The following CPAP variants were observed in gnomAD, a reference collection of about 807,000 sequenced individuals.
CPAP encodes the protein centrosome assembly and centriole elongation protein, also known as centrosomal P4.1-associated protein.
chr13:24,889,171 C>T, the CPAP span: 1 of 687,748 alleles, frequency 1.5e-6, no homozygotes. Flanking sequence ...TAAGATGATG[C>T]ACAGGAGCTT....
At chr13:24,926,096 G>A in the CPAP span, among the ~76,000 whole-genome samples, 1 of 152,282 alleles carries the variant, frequency 6.6e-6, no homozygotes, top group East Asian at 1.9e-4. Flanking sequence ...TCCAGCCAGG[G>A]TCTGTGGGAC....
At chr13:24,913,933 C>T in the CPAP span, among the ~76,000 whole-genome samples, 1 of 152,208 alleles carries the variant, frequency 6.6e-6, no homozygotes, top group Non-Finnish European at 1.5e-5. Flanking sequence ...TTGCCTCTGT[C>T]TGTGTCTGAT....
the CPAP span, chr13:24,883,955 T>TGCCATA: frequency 6.2e-7 from 1 of 1,614,128 alleles, no homozygotes; most frequent in African/African-American, 1.3e-5. Flanking sequence ...AACATAATGT[T>TGCCATA]GCCATACCGT....
At chr13:24,918,435 C>A in the CPAP span, among the ~76,000 whole-genome samples, 9 of 152,292 alleles carry the variant, frequency 5.9e-5, no homozygotes, top group East Asian at 1.5e-3. Flanking sequence ...GGGACCAACT[C>A]CCCATGCAAC....
chr13:24,911,474 T>G, the CPAP span, among the ~76,000 whole-genome samples: 2 of 152,212 alleles, frequency 1.3e-5, no homozygotes, highest in Non-Finnish European at 2.9e-5. Flanking sequence ...CCAACAGTTT[T>G]CATTCATCAG....
the CPAP span, among the ~76,000 whole-genome samples, chr13:24,890,969 T>C: frequency 6.7e-6 from 1 of 149,836 alleles, no homozygotes; most frequent in South Asian, 2.1e-4. Flanking sequence ...TTTACCGTCT[T>C]AAAAAAAAAA....
the CPAP span, among the ~76,000 whole-genome samples, chr13:24,894,072 C>T: frequency 3.3e-5 from 5 of 151,990 alleles, no homozygotes; most frequent in African/African-American, 9.7e-5. Flanking sequence ...CAGGAGGGTG[C>T]CTGGCACAGT....
chr13:24,890,607 T>G, the CPAP span, among the ~76,000 whole-genome samples: 2 of 152,318 alleles, frequency 1.3e-5, no homozygotes, highest in African/African-American at 4.8e-5. Context: ...GAAAAAAATA[T>G]GTGCAATTCT....
chr13:24,910,556 T>C, the CPAP span, among the ~76,000 whole-genome samples: 1 of 152,196 alleles, frequency 6.6e-6, no homozygotes, highest in Non-Finnish European at 1.5e-5. Flanking sequence ...AAGTTATTGG[T>C]AAATACAGCC....
the CPAP span, chr13:24,906,730 A>AGGGGAT: frequency 5.0e-6 from 8 of 1,614,166 alleles, no homozygotes; most frequent in Non-Finnish European, 6.8e-6. Context: ...TTTTAAGGAT[A>AGGGGAT]GGGTTGTCTG....
At chr13:24,903,369 GACAA>G in the CPAP span, among the ~76,000 whole-genome samples, 2 of 152,192 alleles carry the variant, frequency 1.3e-5, no homozygotes, top group Non-Finnish European at 2.9e-5. Flanking sequence ...GAGGCACCAA[GACAA>G]ACACACACAG....
At chr13:24,885,307 A>T in the CPAP span, 2 of 1,613,232 alleles carry the variant, frequency 1.2e-6, no homozygotes, top group African/African-American at 2.7e-5. Flanking sequence ...TTCTCCCTGT[A>T]TGTCTTGGTC....
the CPAP span, chr13:24,889,182 C>T: frequency 1.4e-5 from 10 of 723,384 alleles, no homozygotes; most frequent in Non-Finnish European, 2.4e-5. Flanking sequence ...ACAGGAGCTT[C>T]AATTACATTT....
At chr13:24,915,674 G>A in the CPAP span, among the ~76,000 whole-genome samples, 2 of 152,034 alleles carry the variant, frequency 1.3e-5, no homozygotes, top group Admixed American at 6.6e-5. Flanking sequence ...GTGTGGTGGC[G>A]GGAGCCTGTA....
chr13:24,885,595 CAG>C, the CPAP span: 14 of 1,589,422 alleles, frequency 8.8e-6, no homozygotes, highest in African/African-American at 2.7e-5. Flanking sequence ...TATATAAAAA[CAG>C]AGATTTACTT....
the CPAP span, chr13:24,884,404 C>T: frequency 1.5e-5 from 25 of 1,614,098 alleles, no homozygotes; most frequent in African/African-American, 2.7e-4. Context: ...CACTCACTTC[C>T]TTTCGAGTTC....
chr13:24,884,124 G>T, the CPAP span: 2 of 1,591,914 alleles, frequency 1.3e-6, no homozygotes, highest in Non-Finnish European at 1.7e-6. Flanking sequence ...TTTGAAGGAA[G>T]GGAAGAATTT....
chr13:24,888,579 A>T, the CPAP span, among the ~76,000 whole-genome samples: 3 of 112,750 alleles, frequency 2.7e-5, no homozygotes, highest in Non-Finnish European at 6.3e-5. Flanking sequence ...TGCTGACAGT[A>T]AAAAAAACTG....
the CPAP span, among the ~76,000 whole-genome samples, chr13:24,903,410 C>G: frequency 6.6e-6 from 1 of 152,080 alleles, no homozygotes; most frequent in African/African-American, 2.4e-5. Flanking sequence ...AAGACACACA[C>G]AGAGGGAAGA....
Sources: gnomAD v4.1 joint callset for allele counts (sites outside exome capture counted in the v4.1 genomes callset) on GRCh38, gnomAD v4.1.1 for gene constraint, MANE v1.5 for transcripts, NCBI Gene and HGNC (gene_info 2026-07-23, HGNC 2026-07-21) for gene names.